KCNK12: variants seen among roughly 807,000 people sequenced by gnomAD.
KCNK12 encodes the protein potassium channel subfamily K member 12.
KCNK12 carries 6 observed loss-of-function variants against 25.3 expected under a neutral mutation model. The observed-to-expected ratio is 0.24, with a 90% CI of 0.13 to 0.47. The LOEUF (loss-of-function observed/expected upper bound fraction) is 0.47. KCNK12 is among the 20% of genes least tolerant of loss of function. The probability of loss-of-function intolerance (pLI) is 0.99; values close to 1 mark genes in which losing one functional copy is unlikely to be tolerated. For missense variants in KCNK12, 444 were observed against 661.7 expected, an observed-to-expected ratio of 0.67 and a Z score of 3.61; for synonymous variants, 331 against 311.1, an observed-to-expected ratio of 1.06 and a Z score of -0.67.
At chr2:47,552,400 G>A (rs781657779) in intron 1 of KCNK12, among the ~76,000 whole-genome samples, 2 of 152,202 alleles carry the variant, frequency 1.3e-5, no homozygotes, top group African/African-American at 2.4e-5. Flanking sequence ...CACTTCCTTT[G>A]TGGCTGCAGC....
chr2:47,535,775 T>A (rs1669054224), intron 1 of KCNK12, among the ~76,000 whole-genome samples: 1 of 152,046 alleles, frequency 6.6e-6, no homozygotes, highest in Admixed American at 6.6e-5. Flanking sequence ...GCAACTGTGA[T>A]TTTTCCCTGA....
rs1668463639 is a variant in KCNK12 at position 47,513,920 on chromosome 2, T to A, written c.*6987A>T. 6.6e-6 allele frequency among the ~76,000 whole-genome samples: 1 copy of A among 152,160 alleles called. No individual in the cohort carries two copies. Among genetic ancestry groups the A allele is most frequent in the Non-Finnish European group, 1.5e-5 (1 of 68,034 alleles). On this transcript the variant is annotated 3_prime_UTR_variant, in exon 2 of 2. Transcript: ENST00000327876. ...CCTTGGTCCACCCTGCCATCTGCTT[T>A]CCTCCTCCACTCCTGCATTCTGAGT... is the stretch of plus-strand genomic sequence containing the variant.
Position 47,547,636 on chromosome 2 carries a change from C to T in KCNK12, c.391+22305G>A, listed in dbSNP as rs1228414222. 2.0e-5 allele frequency among the ~76,000 whole-genome samples: 3 copies of T among 152,046 alleles called. No homozygotes were observed. Among genetic ancestry groups the T allele is most frequent in the East Asian group, 1.9e-4 (1 of 5,172 alleles). On this transcript the variant is annotated intron_variant, in intron 1 of 1. Coordinates refer to ENST00000327876, the MANE Select transcript of KCNK12 (RefSeq NM_022055.2). The surrounding 1 kb of genome is among the most constrained non-coding windows in gnomAD (Gnocchi z 5.0). The stretch of plus-strand genomic sequence containing the variant: ...CTTTTGAGATGGAGTCTCATTCTGT[C>T]ACCCAGGCTGGAGTGCAGTACCATG...
At chr2:47,531,728 T>G (rs545011264) in intron 1 of KCNK12, among the ~76,000 whole-genome samples, 1 of 152,180 alleles carries the variant, frequency 6.6e-6, no homozygotes, top group Non-Finnish European at 1.5e-5. Flanking sequence ...TAACCAAAGG[T>G]TAAGGCGTAA....
chr2:47,521,866 C>T (rs1424798594), intron 1 of KCNK12, 58 bp from the exon 2 acceptor site: 14 of 486,468 alleles, frequency 2.9e-5, no homozygotes, highest in African/African-American at 6.3e-5. Context: ...CCTCACTGGG[C>T]GAGGGTGGGG....
At position 47,528,170 on chromosome 2, in the gene KCNK12, T is replaced by C. The variant is rs1166340960; in HGVS notation, c.392-6362A>G. ...ACTAGACTAGCTGTGTAACACCATC[T>C]GCCCAGAATGAAGGGACAGGTGAGG... On this transcript the variant is annotated intron_variant, in intron 1 of 1. Coordinates refer to ENST00000327876, the MANE Select transcript of KCNK12 (RefSeq NM_022055.2). The surrounding 1 kb of genome is among the most constrained non-coding windows in gnomAD (Gnocchi z 4.5). 1 of 152,306 alleles carries C rather than the reference T, an allele frequency of 6.6e-6. No homozygotes were observed. Among genetic ancestry groups the C allele is most frequent in the East Asian group, 1.9e-4 (1 of 5,206 alleles). 9.4% of individuals were successfully genotyped at this position (152,306 alleles called of 1,614,324 possible). A position where few individuals can be genotyped will look rare whatever the true frequency, so the allele number is the denominator to read the frequency against.
chr2:47,568,366 T>G (rs562404473), intron 1 of KCNK12, among the ~76,000 whole-genome samples: 4 of 152,120 alleles, frequency 2.6e-5, no homozygotes, highest in Non-Finnish European at 5.9e-5. Context: ...AGGGGATTTT[T>G]TTTGAGGGGG....
rs887185185 is a variant in KCNK12 at position 47,516,653 on chromosome 2, T to C, written c.*4254A>G. 6.6e-6 allele frequency: 1 copy of C among 152,080 alleles called. No individual in the cohort carries two copies. The highest frequency in any genetic ancestry group is 1.5e-5 in the Non-Finnish European group (1 of 68,044). The allele number at this position is 152,080 out of a possible 1,614,324, so 9.4% of individuals were successfully genotyped here. A position where few individuals can be genotyped will look rare whatever the true frequency, so the allele number is the denominator to read the frequency against. ...TCTCTTGGAATGCTGCTCAGAAAAA[T>C]AGATGTATTGTTTGAGAAACCCTGC... On this transcript the variant is annotated 3_prime_UTR_variant, in exon 2 of 2. Coordinates refer to ENST00000327876, the MANE Select transcript of KCNK12 (RefSeq NM_022055.2).
rs989176605 is a variant in KCNK12 at position 47,514,151 on chromosome 2, C to T, written c.*6756G>A. Among the ~76,000 whole-genome samples, 21 of 152,238 alleles carry T rather than the reference C, an allele frequency of 1.4e-4. No homozygotes were observed. The highest frequency in any genetic ancestry group is 4.8e-4 in the African/African-American group (20 of 41,464). ...TGCTCTGTTCTTCCCACACACTGCT[C>T]CTCTGCCTGGGCCACTCTTCCTGCT... On this transcript the variant is annotated 3_prime_UTR_variant, in exon 2 of 2. Transcript: ENST00000327876. This position sits in a 1 kb window ranked among gnomAD's most constrained non-coding sequence, Gnocchi z 5.0.
intron 1 of KCNK12, among the ~76,000 whole-genome samples, chr2:47,558,834 G>A (rs1371352962): frequency 6.6e-6 from 1 of 152,202 alleles, no homozygotes; most frequent in Non-Finnish European, 1.5e-5. Flanking sequence ...CGTGTGGGTG[G>A]GGGTGGCTTT....
In KCNK12 at chr2:47,540,075, G is replaced by T. The variant is rs1302941816; in HGVS notation, c.392-18267C>A. On this transcript the variant is annotated intron_variant, in intron 1 of 1. Transcript: ENST00000327876. This position sits in a 1 kb window ranked among gnomAD's most constrained non-coding sequence, Gnocchi z 5.4. The stretch of plus-strand genomic sequence containing the variant: ...AGATGGTTGTGGGGATCAGAGGGGA[G>T]GGGACAGCTGGCGGATTTAGCAGAG... Among the ~76,000 whole-genome samples, 1 of 152,198 alleles carries T rather than the reference G, an allele frequency of 6.6e-6. No homozygotes were observed. Among genetic ancestry groups the T allele is most frequent in the Admixed American group, 6.5e-5 (1 of 15,284 alleles).
rs929477642 is a variant in KCNK12, at chr2:47,548,122, C to T, written c.391+21819G>A. 7.9e-5 allele frequency among the ~76,000 whole-genome samples: 12 copies of T among 152,164 alleles called. No homozygotes were observed. Among genetic ancestry groups the T allele is most frequent in the Admixed American group, 2.0e-4 (3 of 15,276 alleles). On this transcript the variant is annotated intron_variant, in intron 1 of 1. Coordinates refer to ENST00000327876, the MANE Select transcript of KCNK12 (RefSeq NM_022055.2). The surrounding 1 kb of genome is among the most constrained non-coding windows in gnomAD (Gnocchi z 4.4). ...TGCCTTCTGACATGATTGTAAGTTC[C>T]CTGAGGCCTCTCCTGCCAAGCTTCC...
intron 1 of KCNK12, among the ~76,000 whole-genome samples, chr2:47,543,024 G>A (rs1669235728): frequency 6.6e-6 from 1 of 152,128 alleles, no homozygotes; most frequent in Non-Finnish European, 1.5e-5. Flanking sequence ...TCAAACCTCT[G>A]AGCTCAAGAG....
chr2:47,549,153 G>T (rs147513697), intron 1 of KCNK12, among the ~76,000 whole-genome samples: 1 of 152,296 alleles, frequency 6.6e-6, no homozygotes, highest in African/African-American at 2.4e-5. Flanking sequence ...AATCACCTGA[G>T]TTCCTATCAG....
At chr2:47,523,751 G>GA (rs1668710779) in intron 1 of KCNK12, among the ~76,000 whole-genome samples, 1 of 152,134 alleles carries the variant, frequency 6.6e-6, no homozygotes, top group African/African-American at 2.4e-5. Context: ...AGTCTGAGCT[G>GA]AAAAAATGGA....
chr2:47,542,477 G>A (rs918299894), intron 1 of KCNK12, among the ~76,000 whole-genome samples: 1 of 152,210 alleles, frequency 6.6e-6, no homozygotes, highest in African/African-American at 2.4e-5. Context: ...TTGATAAACT[G>A]TAAAATGCCT....
At chr2:47,521,885 G>A in intron 1 of KCNK12, 77 bp from the exon 2 acceptor site, 1 of 1,139,214 alleles carries the variant, frequency 8.8e-7, no homozygotes, top group Non-Finnish European at 1.2e-6. Context: ...GGGGTGTGGG[G>A]GCGGGGGCAT....
rs1218382445 is a variant in KCNK12, at chr2:47,566,602, G to C, written c.391+3339C>G. The stretch of plus-strand genomic sequence containing the variant: ...AAGACCTGCCAGATGCTTCTAACTT[G>C]TCTGGCCTGTAAATCTGTCTTGTCC... On this transcript the variant is annotated intron_variant, in intron 1 of 1. Transcript: ENST00000327876. The surrounding 1 kb of genome is among the most constrained non-coding windows in gnomAD (Gnocchi z 4.1). 6.6e-6 allele frequency: 1 copy of C among 152,092 alleles called. No individual in the cohort carries two copies. The highest frequency in any genetic ancestry group is 1.9e-4 in the East Asian group (1 of 5,176). 9.4% of individuals were successfully genotyped at this position (152,092 alleles called of 1,614,324 possible). A position where few individuals can be genotyped will look rare whatever the true frequency, so the allele number is the denominator to read the frequency against.
rs949535543 is a variant in KCNK12, at chr2:47,570,431, G to A, written c.-100C>T. The A allele has an allele frequency of 8.6e-7, 1 of 1,160,684 alleles. No individual in the cohort carries two copies. The highest frequency in any genetic ancestry group is 1.1e-6 in the Non-Finnish European group (1 of 934,234). The allele number at this position is 1,160,684 out of a possible 1,614,324, so 71.9% of individuals were successfully genotyped here. ...GCGTGAGGATGGTGGCCAGGGGTCC[G>A]GGGCCGCCGCGGAGCCCCTCGCCGC... On this transcript the variant is annotated 5_prime_UTR_variant, in exon 1 of 2. Transcript: ENST00000327876.
Sources: gnomAD v4.1 joint callset for allele counts (sites outside exome capture counted in the v4.1 genomes callset) on GRCh38, gnomAD v4.1.1 for gene constraint, Gnocchi (gnomAD v3.1) non-coding constraint, MANE v1.5 for transcripts, NCBI Gene and HGNC (gene_info 2026-07-23, HGNC 2026-07-21) for gene names.